PCMTD2: variants seen among roughly 807,000 people sequenced by gnomAD.
The protein encoded by PCMTD2 is protein-L-isoaspartate O-methyltransferase domain-containing protein 2.
PCMTD2 carries 16 observed loss-of-function variants against 33.4 expected under a neutral mutation model. The observed-to-expected ratio is 0.48, with a 90% CI of 0.32 to 0.73. The LOEUF (loss-of-function observed/expected upper bound fraction) is 0.73, where lower values mean the gene tolerates loss of function less well. Among genes scored for constraint, PCMTD2 ranks in the 30% least tolerant of loss-of-function variants. PCMTD2 has a pLI of 0.03. For synonymous variants in PCMTD2, 161 were observed against 160.8 expected, an observed-to-expected ratio of 1.00 and a Z score of -0.01; for missense variants, 374 against 449.9, an observed-to-expected ratio of 0.83 and a Z score of 1.53.
At position 64,273,349 on chromosome 20, in the gene PCMTD2, C is replaced by T. The variant is rs371436400; in HGVS notation, c.835C>T (p.Arg279Ter). 15 of 1,614,034 alleles carry T rather than the reference C, an allele frequency of 9.3e-6. No individual in the cohort carries two copies. The highest frequency in any genetic ancestry group is 2.7e-5 in the African/African-American group (2 of 74,898). Residue 279 changes from arginine to a stop codon, truncating the protein, a stop_gained, in exon 6 of 6, where the codon CGA becomes TGA. Transcript: ENST00000308824. LOFTEE classifies it high-confidence loss of function. ...NGLKNTPRFK[R>*]RRVRRRRMET... is the part of the protein sequence containing the mutation. Reference sequence around the variant, plus strand: ...ACTAAAGAACACCCCCAGGTTTAAACGAAGGAGAGTTCGCCGCCGTCGAAT... The same window carrying T: ...ACTAAAGAACACCCCCAGGTTTAAATGAAGGAGAGTTCGCCGCCGTCGAAT...
intron 1 of PCMTD2, among the ~76,000 whole-genome samples, chr20:64,257,954 G>A (rs368193327): frequency 2.2e-4 from 33 of 152,230 alleles, no homozygotes; most frequent in East Asian, 1.3e-3. Context: ...CTGGAAAAAG[G>A]TGCTTGTTTT....
At chr20:64,260,823 A>T (rs1195495127) in intron 2 of PCMTD2, among the ~76,000 whole-genome samples, 3 of 149,106 alleles carry the variant, frequency 2.0e-5, no homozygotes, top group Admixed American at 1.4e-4. Context: ...CCTCCTGAGT[A>T]CCTAGGGCCA....
At chr20:64,260,338 A>AGG in intron 2 of PCMTD2, 66 bp downstream of exon 2, 1 of 1,162,642 alleles carries the variant, frequency 8.6e-7, no homozygotes, top group Non-Finnish European at 1.3e-6. Context: ...CTTTGACAGA[A>AGG]AATGTAGTCT....
chr20:64,272,424 T>C (rs1191478542), intron 5 of PCMTD2, among the ~76,000 whole-genome samples: 2 of 152,146 alleles, frequency 1.3e-5, no homozygotes, highest in Admixed American at 1.3e-4. Context: ...TGCTTTGGAG[T>C]TTTTGTTTTT....
intron 5 of PCMTD2, among the ~76,000 whole-genome samples, chr20:64,269,999 T>C (rs1041014393): frequency 2.1e-5 from 3 of 140,502 alleles, no homozygotes; most frequent in African/African-American, 8.2e-5. Context: ...GTGTGCACGG[T>C]GTGGGGTCGT....
chr20:64,257,667 T>TGGATTA (rs201107790), intron 1 of PCMTD2, among the ~76,000 whole-genome samples: 2,705 of 152,322 alleles, frequency 0.018, 79 homozygotes, highest in African/African-American at 0.061. Flanking sequence ...GCTATTCACA[T>TGGATTA]GGATCCTACC....
chr20:64,268,153 T>TACACGTTGTTTTATAA, intron 5 of PCMTD2, 143 bp downstream of exon 5: 1 of 563,364 alleles, frequency 1.8e-6, no homozygotes. Context: ...CTACAAGCAA[T>TACACGTTGTTTTATAA]TTCAGGCATT....
rs114264667 is a variant in PCMTD2, at chr20:64,257,218, C to G, written c.-25+1348C>G. Among the ~76,000 whole-genome samples, 254 of 152,276 alleles carry G rather than the reference C, an allele frequency of 1.7e-3. 2 individuals are homozygous for G. The highest frequency in any genetic ancestry group is 5.8e-3 in the African/African-American group (242 of 41,554). Reference sequence around the variant, plus strand: ...CTTCCGTATGTCGCCTCCCAAAACCCCACTACCATAGCTTCATGCTTGTGT... The same window carrying G: ...CTTCCGTATGTCGCCTCCCAAAACCGCACTACCATAGCTTCATGCTTGTGT... On this transcript the variant is annotated intron_variant, in intron 1 of 5. Transcript: ENST00000308824.
At position 64,265,384 on chromosome 20, in the gene PCMTD2, T is replaced by G; in HGVS notation, c.537T>G (p.Asn179Lys). The G allele has an allele frequency of 6.2e-7, 1 of 1,613,398 alleles. No individual in the cohort carries two copies. Among genetic ancestry groups the G allele is most frequent in the Non-Finnish European group, 8.5e-7 (1 of 1,179,708 alleles). ...VQKEHEEYMKNLLKVGGILVM... is the reference protein window; with the variant it reads ...VQKEHEEYMKKLLKVGGILVM... ...AAGAGCATGAAGAGTACATGAAGAA[T>G]CTTCTCAAAGTGGGAGGGATCCTTG... The change falls in exon 4 of 6, where the codon AAT becomes AAG. Residue 179 changes from asparagine (N) to lysine (K), a missense_variant. Asn to Lys is a moderately conservative substitution (Grantham distance 94, BLOSUM62 0). Transcript: ENST00000308824.
intron 2 of PCMTD2, among the ~76,000 whole-genome samples, chr20:64,263,584 A>T (rs184239689): frequency 6.6e-6 from 1 of 152,346 alleles, no homozygotes. Flanking sequence ...TAACTTACCC[A>T]TAGTAAATGA....
intron 3 of PCMTD2, among the ~76,000 whole-genome samples, chr20:64,264,799 A>C (rs1388150579): frequency 1.3e-5 from 2 of 152,250 alleles, no homozygotes; most frequent in African/African-American, 4.8e-5. Flanking sequence ...TTCCTAAAAT[A>C]AAATTGTTGC....
intron 2 of PCMTD2, 146 bp downstream of exon 2, chr20:64,260,418 G>T: frequency 1.6e-6 from 1 of 628,434 alleles, no homozygotes; most frequent in South Asian, 1.9e-5. Context: ...ATCACTGGGT[G>T]GTGGATAGAG....
At position 64,273,517 on chromosome 20, in the gene PCMTD2, G is replaced by GTGAACTTCCTACGCCAGAAGGTCC; in HGVS notation, c.1007_1030dup (p.Asn336_Leu343dup). 6.3e-7 allele frequency: 1 copy of GTGAACTTCCTACGCCAGAAGGTCC among 1,595,454 alleles called. No individual in the cohort carries two copies. Among genetic ancestry groups the GTGAACTTCCTACGCCAGAAGGTCC allele is most frequent in the Non-Finnish European group, 8.5e-7 (1 of 1,173,374 alleles). Reference sequence around the variant, plus strand: ...GCCGGAAACAAAGCCAGACCCCCCAGTGAACTTCCTACGCCAGAAGGTCCT... The same window carrying GTGAACTTCCTACGCCAGAAGGTCC: ...GCCGGAAACAAAGCCAGACCCCCCAGTGAACTTCCTACGCCAGAAGGTCCTGAACTTCCTACGCCAGAAGGTCCT... On this transcript the variant is annotated inframe_insertion, in exon 6 of 6. Transcript: ENST00000308824.
intron 5 of PCMTD2, among the ~76,000 whole-genome samples, chr20:64,270,415 G>C (rs933181119): frequency 6.6e-6 from 1 of 150,740 alleles, no homozygotes; most frequent in African/African-American, 2.4e-5. Flanking sequence ...GGTGTGGGGT[G>C]AGTGTGGGCA....
chr20:64,257,033 A>C (rs1210924786), intron 1 of PCMTD2: 1 of 152,224 alleles, frequency 6.6e-6, no homozygotes, highest in Non-Finnish European at 1.5e-5. Context: ...CATTGCTTGT[A>C]AGAGTTCTGG....
chr20:64,271,772 C>A, intron 5 of PCMTD2: 1 of 168,254 alleles, frequency 5.9e-6, no homozygotes, highest in Non-Finnish European at 1.3e-5. Context: ...TGCCTTGGGC[C>A]AGGGGAGCAG....
At position 64,273,303 on chromosome 20, in the gene PCMTD2, T is replaced by G; in HGVS notation, c.789T>G (p.Thr263=). The G allele has an allele frequency of 6.2e-7, 1 of 1,614,104 alleles. No individual in the cohort carries two copies. The highest frequency in any genetic ancestry group is 2.2e-5 in the East Asian group (1 of 44,888). The part of the protein sequence containing the change: ...GTIKKIIHQE[T]VSKNGNGLKN... The stretch of plus-strand genomic sequence containing the variant: ...TTAAAAAGATTATTCATCAGGAAAC[T>G]GTGAGCAAAAACGGAAACGGACTAA... The change falls in exon 6 of 6, where the codon ACT becomes ACG. Residue 263 remains threonine, a synonymous_variant. Coordinates refer to ENST00000308824, the MANE Select transcript of PCMTD2 (RefSeq NM_018257.3).
At chr20:64,268,781 A>G (rs1387012778) in intron 5 of PCMTD2, among the ~76,000 whole-genome samples, 1 of 152,214 alleles carries the variant, frequency 6.6e-6, no homozygotes, top group Non-Finnish European at 1.5e-5. Flanking sequence ...CTCTTCCAGA[A>G]AGGTTTTTTG....
chr20:64,265,476 G>T (rs771383986), intron 4 of PCMTD2, 47 bp downstream of exon 4: 3 of 1,436,800 alleles, frequency 2.1e-6, no homozygotes, highest in East Asian at 2.3e-5. Flanking sequence ...GTGTGCCAAG[G>T]TCTGTTCTGG....
Sources: gnomAD v4.1 joint callset for allele counts (sites outside exome capture counted in the v4.1 genomes callset) on GRCh38, gnomAD v4.1.1 for gene constraint, MANE v1.5 for transcripts, NCBI Gene and HGNC (gene_info 2026-07-23, HGNC 2026-07-21) for gene names.